ANK2: variants seen among roughly 807,000 people sequenced by gnomAD.
The protein encoded by ANK2 is ankyrin-2.
A neutral mutation model predicts 360.5 loss-of-function variants in ANK2; 83 were observed. The ratio of observed to expected loss-of-function variants is 0.23; its 90% CI spans 0.19 to 0.28. ANK2 has a LOEUF of 0.28. Ranked by LOEUF, ANK2 falls within the 10% of genes least tolerant of loss-of-function variation. The pLI, the probability that ANK2 is intolerant of heterozygous loss-of-function variation, is 1.00. For synonymous variants in ANK2, 1,740 were observed against 1,759.5 expected (o/e 0.99, Z 0.28); for missense variants, 4,201 against 4,795.7 (o/e 0.88, Z 3.66).
At chr4:113,374,275 T>G (rs1295868906) in intron 45 of ANK2, among the ~76,000 whole-genome samples, 1 of 152,210 alleles carries the variant, frequency 6.6e-6, no homozygotes, top group Non-Finnish European at 1.5e-5. Flanking sequence ...GGGACATATT[T>G]ACTTGTTTTG....
chr4:113,291,122 T>C (rs1268438378), intron 20 of ANK2, among the ~76,000 whole-genome samples: 4 of 152,248 alleles, frequency 2.6e-5, no homozygotes, highest in Non-Finnish European at 5.9e-5. Context: ...TTAATTTACA[T>C]GCTAAGTTAT....
chr4:113,043,591 G>T (rs1235051952), intron 2 of ANK2, among the ~76,000 whole-genome samples: 1 of 152,070 alleles, frequency 6.6e-6, no homozygotes, highest in African/African-American at 2.4e-5. Flanking sequence ...CTTTTTCATT[G>T]TGAATTTTGG....
rs2097178341 is a variant in ANK2, at chr4:113,381,807, A to C, written c.*336A>C. 1 of 603,474 alleles carries C rather than the reference A, an allele frequency of 1.7e-6. No homozygotes were observed. The allele number at this position is 603,474 out of a possible 1,614,324, so 37.4% of individuals were successfully genotyped here. The stretch of plus-strand genomic sequence containing the variant: ...TAGTTTTCCCCCATCCTCTTTAACT[A>C]TAAAGCTAATTTGTGACCAAAGATG... On this transcript the variant is annotated 3_prime_UTR_variant, in exon 46 of 46. Transcript: ENST00000357077.
chr4:112,705,718 G>A, the ANK2 span, among the ~76,000 whole-genome samples: 1 of 152,246 alleles, frequency 6.6e-6, no homozygotes, highest in Admixed American at 6.5e-5. Flanking sequence ...ATTTCTGGGA[G>A]CTGTCCATGA....
intron 42 of ANK2, 128 bp from the exon 43 acceptor site, chr4:113,369,386 G>A (rs566259700): frequency 2.0e-6 from 2 of 992,836 alleles, no homozygotes; most frequent in East Asian, 2.4e-5. Flanking sequence ...TTGGCCAAAT[G>A]TACAAAAACT....
chr4:113,132,611 G>A (rs2096121245), intron 1 of ANK2, among the ~76,000 whole-genome samples: 1 of 152,156 alleles, frequency 6.6e-6, no homozygotes, highest in Admixed American at 6.6e-5. Flanking sequence ...GGCTCTGACA[G>A]GAACATTTGG....
chr4:112,998,431 T>G (rs1365336935), intron 2 of ANK2, among the ~76,000 whole-genome samples: 1 of 152,192 alleles, frequency 6.6e-6, no homozygotes, highest in Non-Finnish European at 1.5e-5. Context: ...GCATCCATCA[T>G]AATGCATTTG....
chr4:113,013,134 G>A (rs1384213246), intron 2 of ANK2, among the ~76,000 whole-genome samples: 1 of 152,140 alleles, frequency 6.6e-6, no homozygotes, highest in African/African-American at 2.4e-5. Flanking sequence ...GCTAGCATAA[G>A]GCAGGAATCC....
At chr4:112,757,112 CTTTTT>C in the ANK2 span, among the ~76,000 whole-genome samples, 1 of 135,322 alleles carries the variant, frequency 7.4e-6, no homozygotes, top group African/African-American at 2.7e-5. Flanking sequence ...CTTTTCTTTT[CTTTTT>C]TTTTTTTTTT....
At position 113,378,216 on chromosome 4, in the gene ANK2, A is replaced by C; in HGVS notation, c.11860-3241A>C. ...AGCATGGGGTGATGCTTTGCCAACT[A>C]ACACCATAAAAATTTTTCCAATTTT... On this transcript the variant is annotated intron_variant, in intron 45 of 45. Transcript: ENST00000357077. 6 of 1,058,392 alleles carry C rather than the reference A, an allele frequency of 5.7e-6. No individual in the cohort carries two copies. The South Asian group carries it at 8.4e-5, about 15-fold the overall frequency. 65.6% of individuals were successfully genotyped at this position (1,058,392 alleles called of 1,614,324 possible).
At chr4:113,130,762 T>G (rs1437860902) in intron 1 of ANK2, among the ~76,000 whole-genome samples, 1 of 152,192 alleles carries the variant, frequency 6.6e-6, no homozygotes, top group Non-Finnish European at 1.5e-5. Flanking sequence ...GATACTCTAC[T>G]GATTCTAAAT....
chr4:113,163,503 T>C (rs113658536), intron 1 of ANK2, among the ~76,000 whole-genome samples: 1,819 of 151,696 alleles, frequency 0.012, 27 homozygotes, highest in African/African-American at 0.042. Flanking sequence ...GGTGGCTCAC[T>C]CCTGTAATCA....
intron 1 of ANK2, among the ~76,000 whole-genome samples, chr4:113,140,882 G>C (rs1287220740): frequency 6.6e-6 from 1 of 152,060 alleles, no homozygotes; most frequent in Non-Finnish European, 1.5e-5. Context: ...GGAGGCTGAG[G>C]CAGGAGAATC....
At chr4:113,113,247 T>G (rs1373491600) in intron 1 of ANK2, among the ~76,000 whole-genome samples, 1 of 152,168 alleles carries the variant, frequency 6.6e-6, no homozygotes, top group African/African-American at 2.4e-5. Flanking sequence ...TGCTTCTCTT[T>G]CCACTTAGCA....
At chr4:113,124,022 C>T (rs1452195861) in intron 1 of ANK2, among the ~76,000 whole-genome samples, 2 of 152,134 alleles carry the variant, frequency 1.3e-5, no homozygotes, top group Non-Finnish European at 2.9e-5. Flanking sequence ...TCATGATCTG[C>T]AGTTTGACTA....
At chr4:113,043,684 G>T (rs746296117) in intron 2 of ANK2, among the ~76,000 whole-genome samples, 1 of 152,088 alleles carries the variant, frequency 6.6e-6, no homozygotes, top group African/African-American at 2.4e-5. Flanking sequence ...AGAGAAAAAA[G>T]AATTCTTAGG....
chr4:113,299,392 A>G (rs2073714890), intron 22 of ANK2, among the ~76,000 whole-genome samples: 1 of 152,156 alleles, frequency 6.6e-6, no homozygotes, highest in African/African-American at 2.4e-5. Flanking sequence ...ATCCTTTCAC[A>G]TTTTTAAATA....
chr4:113,285,690 G>C (rs911687641), intron 18 of ANK2, among the ~76,000 whole-genome samples: 1 of 152,046 alleles, frequency 6.6e-6, no homozygotes, highest in Non-Finnish European at 1.5e-5. Flanking sequence ...GGAATTTATG[G>C]AAGCTTCATG....
At chr4:113,006,989 G>A (rs1378927971) in intron 2 of ANK2, among the ~76,000 whole-genome samples, 1 of 152,042 alleles carries the variant, frequency 6.6e-6, no homozygotes, top group African/African-American at 2.4e-5. Flanking sequence ...TCTTCTTATC[G>A]TCTATTTTGG....
Sources: gnomAD v4.1 joint callset for allele counts (sites outside exome capture counted in the v4.1 genomes callset) on GRCh38, gnomAD v4.1.1 for gene constraint, MANE v1.5 for transcripts, NCBI Gene and HGNC (gene_info 2026-07-23, HGNC 2026-07-21) for gene names.